SFXN5: variants seen among roughly 807,000 people sequenced by gnomAD.
SFXN5 encodes sideroflexin 5.
SFXN5 carries 43 observed loss-of-function variants against 50.2 expected under a neutral mutation model. The observed-to-expected ratio is 0.86, with a 90% CI of 0.67 to 1.11. SFXN5 has a LOEUF of 1.11. SFXN5 is among the 50% of genes least tolerant of loss of function. The pLI, the probability that SFXN5 is intolerant of heterozygous loss-of-function variation, is 0.00. For missense variants in SFXN5, 463 were observed against 454.1 expected (o/e 1.02, Z -0.18); for synonymous variants, 203 against 185.8 (o/e 1.09, Z -0.75).
At chr2:72,964,971 C>G (rs1674202265) in intron 12 of SFXN5, among the ~76,000 whole-genome samples, 1 of 152,380 alleles carries the variant, frequency 6.6e-6, no homozygotes, top group South Asian at 2.1e-4. Context: ...GCTCCACCCC[C>G]AGGCCTGTGC....
chr2:72,988,148 G>T, intron 10 of SFXN5, 110 bp downstream of exon 10: 1 of 925,104 alleles, frequency 1.1e-6, no homozygotes, highest in Non-Finnish European at 1.6e-6. Context: ...TCCCAGCTGG[G>T]TGCCCCCTGG....
At chr2:72,987,683 A>G (rs1262691669) in intron 10 of SFXN5, among the ~76,000 whole-genome samples, 1 of 152,082 alleles carries the variant, frequency 6.6e-6, no homozygotes, top group African/African-American at 2.4e-5. Context: ...TGAAGCTGGG[A>G]GGTGGAGGTT....
At chr2:73,017,440 A>T (rs1676310021) in intron 6 of SFXN5, among the ~76,000 whole-genome samples, 1 of 152,268 alleles carries the variant, frequency 6.6e-6, no homozygotes, top group African/African-American at 2.4e-5. Context: ...AGTAGATAAC[A>T]TAAACACATA....
chr2:72,942,249 C>T lies in SFXN5; in HGVS notation c.*2773G>A, dbSNP rs1469218775. 1 of 152,274 alleles carries T rather than the reference C, an allele frequency of 6.6e-6. No homozygotes were observed. Among genetic ancestry groups the T allele is most frequent in the African/African-American group, 2.4e-5 (1 of 41,468 alleles). 9.4% of individuals were successfully genotyped at this position (152,274 alleles called of 1,614,324 possible). Reference sequence around the variant, plus strand: ...CTCCTCTAGGCTCCTGCCCTTTTCCCAGGCCAGAGGCCAGAACACCAAAGA... The same window carrying T: ...CTCCTCTAGGCTCCTGCCCTTTTCCTAGGCCAGAGGCCAGAACACCAAAGA... On this transcript the variant is annotated 3_prime_UTR_variant, in exon 14 of 14. Transcript: ENST00000272433.
intron 13 of SFXN5, among the ~76,000 whole-genome samples, chr2:72,954,272 C>T (rs1214927300): frequency 6.6e-6 from 1 of 152,062 alleles, no homozygotes; most frequent in Non-Finnish European, 1.5e-5. Flanking sequence ...ATGGGAGGCT[C>T]AGGGCAGGAA....
chr2:72,979,565 C>T (rs1350530052), intron 10 of SFXN5, among the ~76,000 whole-genome samples: 1 of 152,068 alleles, frequency 6.6e-6, no homozygotes, highest in African/African-American at 2.4e-5. Context: ...ACCCAGGAGG[C>T]GGAGGTTGCA....
chr2:72,965,299 C>T lies in SFXN5; in HGVS notation c.827+3149G>A, dbSNP rs115136482. Among the ~76,000 whole-genome samples the T allele has an allele frequency of 9.9e-3, 1,504 of 152,248 alleles. 23 individuals carry two copies. The highest frequency in any genetic ancestry group is 0.034 in the African/African-American group (1,393 of 41,534). On this transcript the variant is annotated intron_variant, in intron 12 of 13. Coordinates refer to ENST00000272433, the MANE Select transcript of SFXN5 (RefSeq NM_144579.3). ...GGAGAGCCTGGGCCACCAAGCAGCC[C>T]GACTCCAGAGGAAAACCAATCTCCC...
intron 6 of SFXN5, among the ~76,000 whole-genome samples, chr2:73,014,588 G>C (rs1675923308): frequency 6.6e-6 from 1 of 152,114 alleles, no homozygotes; most frequent in African/African-American, 2.4e-5. Context: ...ATCCTGATGA[G>C]ATTATGACTG....
rs1007267008 is a variant in SFXN5 at position 73,004,536 on chromosome 2, G to A, written c.358-2958C>T. Among the ~76,000 whole-genome samples, 9 of 152,174 alleles carry A rather than the reference G, an allele frequency of 5.9e-5. 1 individual carries two copies. In the East Asian group the frequency reaches 9.6e-4, roughly 16 times the overall value. ...GGTGAGTGTGTCCCGGCTATCTAAC[G>A]AAGGCGGAGGTAGGAGTGAGCCGAG... is the stretch of plus-strand genomic sequence containing the variant. On this transcript the variant is annotated intron_variant, in intron 6 of 13. Coordinates refer to ENST00000272433, the MANE Select transcript of SFXN5 (RefSeq NM_144579.3).
intron 13 of SFXN5, among the ~76,000 whole-genome samples, chr2:72,958,575 C>T (rs1290283654): frequency 6.6e-6 from 1 of 152,162 alleles, no homozygotes; most frequent in Non-Finnish European, 1.5e-5. Context: ...ACAGAGGTAC[C>T]TATAAACACA....
At chr2:72,975,031 C>G (rs973267344) in intron 10 of SFXN5, among the ~76,000 whole-genome samples, 8 of 152,282 alleles carry the variant, frequency 5.3e-5, no homozygotes, top group African/African-American at 1.9e-4. Flanking sequence ...TGACACCATT[C>G]AAGACTCAGG....
Position 72,960,269 on chromosome 2 carries a change from C to A in SFXN5, c.945+862G>T, listed in dbSNP as rs929650311. 1.3e-5 allele frequency among the ~76,000 whole-genome samples: 2 copies of A among 152,112 alleles called. No individual in the cohort carries two copies. The highest frequency in any genetic ancestry group is 1.3e-4 in the Admixed American group (2 of 15,278). ...GACCCACTGCCCTCCCTCGAACCTG[C>A]CCCCGCCTGGCTCCATCTCATTAAG... On this transcript the variant is annotated intron_variant, in intron 13 of 13. Transcript: ENST00000272433. The surrounding 1 kb of genome is among the most constrained non-coding windows in gnomAD (Gnocchi z 6.1).
rs1422066179 is a variant in SFXN5 at position 72,992,696 on chromosome 2, A to G, written c.535-4348T>C. On this transcript the variant is annotated intron_variant, in intron 9 of 13. Transcript: ENST00000272433. This position sits in a 1 kb window ranked among gnomAD's most constrained non-coding sequence, Gnocchi z 4.5. ...GCTGTTTGCTCTCCCTGCTCCCAACACTCAGCACGCAGCCTCTGTCCCTGG... is the reference window on the plus strand; with the variant it reads ...GCTGTTTGCTCTCCCTGCTCCCAACGCTCAGCACGCAGCCTCTGTCCCTGG... Among the ~76,000 whole-genome samples the G allele has an allele frequency of 6.6e-6, 1 of 151,840 alleles. No homozygotes were observed. Among genetic ancestry groups the G allele is most frequent in the East Asian group, 1.9e-4 (1 of 5,178 alleles).
intron 10 of SFXN5, among the ~76,000 whole-genome samples, chr2:72,984,467 T>A (rs1406126943): frequency 6.6e-6 from 1 of 152,222 alleles, no homozygotes; most frequent in East Asian, 1.9e-4. Flanking sequence ...GCTATATGGG[T>A]GAGGGGTTAT....
At chr2:72,983,288 C>T (rs1671533670) in intron 10 of SFXN5, among the ~76,000 whole-genome samples, 1 of 152,170 alleles carries the variant, frequency 6.6e-6, no homozygotes, top group South Asian at 2.1e-4. Flanking sequence ...CAAATAGTGC[C>T]AGGACACCCT....
At chr2:73,059,428 C>T in intron 1 of SFXN5, 1 of 985,400 alleles carries the variant, frequency 1.0e-6, no homozygotes. Flanking sequence ...CCACAACTCT[C>T]CAAGCACCAT....
At chr2:73,025,161 A>C (rs185337508) in intron 3 of SFXN5, among the ~76,000 whole-genome samples, 328 of 152,132 alleles carry the variant, frequency 2.2e-3, no homozygotes, top group Middle Eastern at 0.014. Flanking sequence ...ACAACAACAA[A>C]AAAAAACATA....
intron 3 of SFXN5, among the ~76,000 whole-genome samples, chr2:73,025,182 C>T (rs1364450306): frequency 6.6e-6 from 1 of 152,056 alleles, no homozygotes; most frequent in African/African-American, 2.4e-5. Flanking sequence ...AAAGGCTGAT[C>T]GTCCCCTCTT....
At chr2:72,951,843 C>T (rs901959775) in intron 13 of SFXN5, among the ~76,000 whole-genome samples, 85 of 152,206 alleles carry the variant, frequency 5.6e-4, no homozygotes, top group African/African-American at 1.8e-3. Flanking sequence ...GGCCCAAAGC[C>T]CAAGCAGGCA....
Sources: allele counts gnomAD v4.1 joint callset (sites outside exome capture counted in the v4.1 genomes callset), GRCh38; gene constraint gnomAD v4.1.1; non-coding constraint Gnocchi (gnomAD v3.1); transcripts MANE v1.5; gene names NCBI Gene and HGNC (gene_info 2026-07-23, HGNC 2026-07-21).